The following M1AP variants were observed in gnomAD, a reference collection of about 807,000 sequenced individuals.
The protein encoded by M1AP is meiosis 1 associated protein.
M1AP carries 39 observed loss-of-function variants against 51.2 expected under a neutral mutation model. The observed-to-expected ratio is 0.76, with a 90% CI of 0.59 to 1.00. The LOEUF (loss-of-function observed/expected upper bound fraction) is 1.00, where lower values mean the gene tolerates loss of function less well. Ranked by LOEUF, M1AP falls within the 50% of genes least tolerant of loss-of-function variation. M1AP has a pLI of 0.00. For missense variants in M1AP, 545 were observed against 641.2 expected (o/e 0.85, Z 1.62); for synonymous variants, 251 against 249.2 (o/e 1.01, Z -0.07).
intron 3 of M1AP, 131 bp from the exon 4 acceptor site, chr2:74,607,354 G>T (rs906857172): frequency 4.6e-6 from 4 of 871,080 alleles, no homozygotes; most frequent in Non-Finnish European, 7.0e-6. Context: ...GTGCAAAAAG[G>T]ATTTGGCTGT....
At chr2:74,597,086 G>T (rs529796659) in intron 4 of M1AP, among the ~76,000 whole-genome samples, 29 of 152,250 alleles carry the variant, frequency 1.9e-4, no homozygotes, top group Admixed American at 7.8e-4. Context: ...TACTTCGAAT[G>T]GATGCAACTT....
chr2:74,623,032 A>T (rs189504957), intron 2 of M1AP, among the ~76,000 whole-genome samples: 23 of 152,142 alleles, frequency 1.5e-4, no homozygotes, highest in African/African-American at 5.3e-4. Flanking sequence ...CAAATAGTAA[A>T]CACCAAGTAA....
chr2:74,563,449 A>T (rs1455246491), intron 7 of M1AP, among the ~76,000 whole-genome samples: 1 of 152,082 alleles, frequency 6.6e-6, no homozygotes, highest in Non-Finnish European at 1.5e-5. Flanking sequence ...ATACAAAAAA[A>T]TTAGCTGGAC....
chr2:74,564,021 C>T (rs773259660), intron 7 of M1AP, among the ~76,000 whole-genome samples: 25 of 152,154 alleles, frequency 1.6e-4, no homozygotes, highest in Non-Finnish European at 3.5e-4. Context: ...CCGTAACAAC[C>T]TCCCTGCTAC....
chr2:74,587,769 T>G (rs1324905134), intron 4 of M1AP, among the ~76,000 whole-genome samples: 1 of 151,976 alleles, frequency 6.6e-6, no homozygotes, highest in Non-Finnish European at 1.5e-5. Flanking sequence ...GCCCTTAGTG[T>G]TTGGATAGTT....
intron 4 of M1AP, among the ~76,000 whole-genome samples, chr2:74,584,805 C>CATATATATAT (rs57709358): frequency 3.4e-4 from 48 of 139,296 alleles, no homozygotes; most frequent in African/African-American, 1.2e-3. Flanking sequence ...ATGTTATTGC[C>CATATATATAT]ATATATATAT....
chr2:74,578,144 T>G (rs535491402), intron 5 of M1AP, among the ~76,000 whole-genome samples: 1 of 152,150 alleles, frequency 6.6e-6, no homozygotes, highest in African/African-American at 2.4e-5. Context: ...GCTGATCCAG[T>G]TCCTAACAGG....
chr2:74,581,532 G>A (rs1679403658), intron 5 of M1AP, 142 bp downstream of exon 5: 8 of 737,090 alleles, frequency 1.1e-5, no homozygotes, highest in South Asian at 6.6e-5. Flanking sequence ...TATTCCTCAC[G>A]CTTATATTGG....
chr2:74,617,595 T>A (rs1383541976), intron 2 of M1AP, among the ~76,000 whole-genome samples: 2 of 152,124 alleles, frequency 1.3e-5, no homozygotes, highest in Non-Finnish European at 2.9e-5. Context: ...AATACCTGGA[T>A]GATGAAATAA....
Position 74,648,322 on chromosome 2 carries a change from C to A in M1AP, c.-110G>T. On this transcript the variant is annotated 5_prime_UTR_variant, in exon 1 of 11. Transcript: ENST00000421985. ...GTCCTCCCGGCTCTCAGCGTGCGCC[C>A]GCGCGTTCGGAGGCGCCCCCCTCAG... 1.0e-6 allele frequency: 1 copy of A among 985,592 alleles called. No individual in the cohort carries two copies. Among genetic ancestry groups the A allele is most frequent in the Non-Finnish European group, 1.2e-6 (1 of 830,044 alleles). The allele number at this position is 985,592 out of a possible 1,614,324, so 61.1% of individuals were successfully genotyped here. A position where few individuals can be genotyped will look rare whatever the true frequency, so the allele number is the denominator to read the frequency against.
At position 74,640,193 on chromosome 2, in the gene M1AP, T is replaced by G; in HGVS notation, c.83A>C (p.His28Pro). The change falls in exon 2 of 11, where the codon CAC becomes CCC. Residue 28 changes from histidine to proline, a missense_variant. Coordinates refer to ENST00000421985, the MANE Select transcript of M1AP (RefSeq NM_001321739.2). ...GTCAGCCCAGGACGGTAGAGCAATG[T>G]GCACAATGAGAAGCCGTGGAGGTTG... is the stretch of plus-strand genomic sequence containing the variant. Reference protein sequence around the residue: ...DQQPPRLLIVHIALPSWADIC... With the variant: ...DQQPPRLLIVPIALPSWADIC... 6.2e-7 allele frequency: 1 copy of G among 1,614,140 alleles called. No individual in the cohort carries two copies. The highest frequency in any genetic ancestry group is 1.7e-5 in the Admixed American group (1 of 60,008).
chr2:74,624,120 G>C (rs546443842), intron 2 of M1AP, among the ~76,000 whole-genome samples: 8 of 152,254 alleles, frequency 5.3e-5, no homozygotes, highest in African/African-American at 1.9e-4. Flanking sequence ...ATTGTTGGAG[G>C]GATTGGTCAC....
At chr2:74,588,076 G>A (rs1679820065) in intron 4 of M1AP, among the ~76,000 whole-genome samples, 1 of 152,150 alleles carries the variant, frequency 6.6e-6, no homozygotes, top group South Asian at 2.1e-4. Flanking sequence ...CCAGGAAAAG[G>A]TGCTCTTGCC....
intron 4 of M1AP, among the ~76,000 whole-genome samples, chr2:74,603,092 T>C (rs1388970151): frequency 6.6e-6 from 1 of 152,210 alleles, no homozygotes; most frequent in Non-Finnish European, 1.5e-5. Flanking sequence ...AGAAGGGCTC[T>C]GACTGGTGGC....
chr2:74,598,690 T>A (rs1379750236), intron 4 of M1AP, among the ~76,000 whole-genome samples: 1 of 150,530 alleles, frequency 6.6e-6, no homozygotes, highest in Admixed American at 6.7e-5. Context: ...AGTGGTGTGA[T>A]CTTCATTTAT....
At chr2:74,612,425 A>C (rs1426921504) in intron 3 of M1AP, among the ~76,000 whole-genome samples, 1 of 151,912 alleles carries the variant, frequency 6.6e-6, no homozygotes, top group Non-Finnish European at 1.5e-5. Flanking sequence ...TCACTATGTT[A>C]CCAAGGCTGG....
chr2:74,615,402 T>C, intron 2 of M1AP: 1 of 443,016 alleles, frequency 2.3e-6, no homozygotes, highest in Non-Finnish European at 4.1e-6. Context: ...AGGAAGTGTT[T>C]TAACTCATTC....
At chr2:74,645,116 GC>G (rs1432349225) in intron 1 of M1AP, among the ~76,000 whole-genome samples, 29 of 152,124 alleles carry the variant, frequency 1.9e-4, no homozygotes, top group Non-Finnish European at 3.8e-4. Flanking sequence ...CGCTCCTGAG[GC>G]CAGGGAGACC....
chr2:74,590,370 T>C (rs1290439659), intron 4 of M1AP, among the ~76,000 whole-genome samples: 1 of 143,882 alleles, frequency 7.0e-6, no homozygotes, highest in Non-Finnish European at 1.5e-5. Flanking sequence ...CATGACCTAA[T>C]CCACCATTCA....
Sources: gnomAD v4.1 joint callset for allele counts (sites outside exome capture counted in the v4.1 genomes callset) on GRCh38, gnomAD v4.1.1 for gene constraint, MANE v1.5 for transcripts, NCBI Gene and HGNC (gene_info 2026-07-23, HGNC 2026-07-21) for gene names.